The following HSD17B3 variants were observed in gnomAD, a reference collection of about 807,000 sequenced individuals.
HSD17B3 encodes the protein 17-beta-hydroxysteroid dehydrogenase type 3.
HSD17B3 carries 29 observed loss-of-function variants against 41.1 expected under a neutral mutation model. The observed-to-expected ratio is 0.71, with a 90% CI of 0.53 to 0.96. The LOEUF (loss-of-function observed/expected upper bound fraction) is 0.96. Among genes scored for constraint, HSD17B3 ranks in the 40% least tolerant of loss-of-function variants. The pLI is 0.00. For missense variants in HSD17B3, 323 were observed against 374.6 expected, an observed-to-expected ratio of 0.86 and a Z score of 1.14; for synonymous variants, 126 against 145.6, an observed-to-expected ratio of 0.87 and a Z score of 0.97.
intron 2 of HSD17B3, among the ~76,000 whole-genome samples, chr9:96,259,001 G>T (rs1006071693): frequency 6.6e-6 from 1 of 152,174 alleles, no homozygotes; most frequent in Non-Finnish European, 1.5e-5. Context: ...CATCTTTACC[G>T]CCAGGTCTCT....
At chr9:96,260,569 G>C (rs1161243311) in intron 2 of HSD17B3, among the ~76,000 whole-genome samples, 2 of 152,038 alleles carry the variant, frequency 1.3e-5, no homozygotes, top group African/African-American at 4.8e-5. Context: ...GGGCCATCCT[G>C]GTCAACATGG....
At chr9:96,242,128 A>G (rs1309174936) in intron 9 of HSD17B3, among the ~76,000 whole-genome samples, 1 of 152,148 alleles carries the variant, frequency 6.6e-6, no homozygotes, top group Non-Finnish European at 1.5e-5. Context: ...TTATGAATCA[A>G]TTAATCCAAA....
At chr9:96,267,974 G>C (rs1314961170) in intron 2 of HSD17B3, among the ~76,000 whole-genome samples, 1 of 151,980 alleles carries the variant, frequency 6.6e-6, no homozygotes, top group Non-Finnish European at 1.5e-5. Flanking sequence ...CACCCAGGCT[G>C]AGTGCAGTGG....
intron 2 of HSD17B3, among the ~76,000 whole-genome samples, chr9:96,266,128 G>C (rs1311998771): frequency 6.6e-6 from 1 of 152,210 alleles, no homozygotes; most frequent in East Asian, 1.9e-4. Flanking sequence ...TATAGAAAAA[G>C]GGTTAAGAGA....
Position 96,270,959 on chromosome 9 carries a change from G to T in HSD17B3, c.202-16016C>A, listed in dbSNP as rs574976788. 6.8e-5 allele frequency among the ~76,000 whole-genome samples: 10 copies of T among 147,488 alleles called. No individual in the cohort carries two copies. In the East Asian group the frequency reaches 1.1e-3, roughly 16 times the overall value. On this transcript the variant is annotated intron_variant, in intron 2 of 10. Transcript: ENST00000375263. ...AAGATCTCTCAAATCCTCTCGGGGGGGGGGGTTAAGATTGATATTATCAAA... is the reference window on the plus strand; with the variant it reads ...AAGATCTCTCAAATCCTCTCGGGGGTGGGGGTTAAGATTGATATTATCAAA...
chr9:96,293,818 T>A (rs1210938647), intron 2 of HSD17B3, among the ~76,000 whole-genome samples: 1 of 152,226 alleles, frequency 6.6e-6, no homozygotes, highest in Non-Finnish European at 1.5e-5. Context: ...AAGCTTACTC[T>A]GAGCAAACCA....
At chr9:96,249,444 A>AT in intron 6 of HSD17B3, 16 of 368,776 alleles carry the variant, frequency 4.3e-5, no homozygotes, top group East Asian at 1.4e-4. Flanking sequence ...GAAGATACTA[A>AT]TTTTTTTTAG....
At chr9:96,250,011 G>A (rs1836831223) in intron 5 of HSD17B3, 6 of 1,439,700 alleles carry the variant, frequency 4.2e-6, no homozygotes, top group Non-Finnish European at 5.4e-6. Flanking sequence ...ATCTTGACTA[G>A]ACATCAATTA....
rs373329938 is a variant in HSD17B3, at chr9:96,254,953, G to C, written c.202-10C>G. 6.2e-7 allele frequency: 1 copy of C among 1,612,568 alleles called. No individual in the cohort carries two copies. The highest frequency in any genetic ancestry group is 1.3e-5 in the African/African-American group (1 of 75,000). On this transcript the variant is annotated splice_polypyrimidine_tract_variant and intron_variant, in intron 2 of 10. Transcript: ENST00000375263. ...GTCCACGTTTTGCTAGCTGAGAGTG[G>C]GAGTGAAAAACCAAGAGACAAGGAT...
intron 2 of HSD17B3, among the ~76,000 whole-genome samples, chr9:96,278,314 C>T (rs530406129): frequency 1.7e-4 from 26 of 152,182 alleles, no homozygotes; most frequent in Admixed American, 5.9e-4. Flanking sequence ...ATAATAGATA[C>T]GTTCGTTAAC....
At chr9:96,286,340 T>C (rs1826917163) in intron 2 of HSD17B3, among the ~76,000 whole-genome samples, 1 of 150,284 alleles carries the variant, frequency 6.7e-6, no homozygotes, top group Non-Finnish European at 1.5e-5. Flanking sequence ...TGAGACTCTG[T>C]CTCAAAGGAA....
At chr9:96,257,059 T>G (rs1247517199) in intron 2 of HSD17B3, among the ~76,000 whole-genome samples, 2 of 152,154 alleles carry the variant, frequency 1.3e-5, no homozygotes, top group African/African-American at 4.8e-5. Context: ...GCTCCCTCTT[T>G]GCCTTCCGCC....
intron 2 of HSD17B3, among the ~76,000 whole-genome samples, chr9:96,287,015 G>A (rs533089638): frequency 9.2e-5 from 14 of 152,238 alleles, no homozygotes; most frequent in South Asian, 4.1e-4. Flanking sequence ...GATGAGGTCC[G>A]AGAACACTCT....
At chr9:96,259,580 G>A (rs369762941) in intron 2 of HSD17B3, among the ~76,000 whole-genome samples, 1 of 152,118 alleles carries the variant, frequency 6.6e-6, no homozygotes, top group Non-Finnish European at 1.5e-5. Context: ...AATTAGCTGG[G>A]CATGGTGGCG....
chr9:96,283,560 A>C (rs1358842850), intron 2 of HSD17B3, among the ~76,000 whole-genome samples: 1 of 152,144 alleles, frequency 6.6e-6, no homozygotes, highest in Non-Finnish European at 1.5e-5. Context: ...CTGTGTTCCA[A>C]AATAATGGGA....
At chr9:96,241,149 A>T (rs1836425592) in intron 9 of HSD17B3, among the ~76,000 whole-genome samples, 1 of 152,168 alleles carries the variant, frequency 6.6e-6, no homozygotes, top group African/African-American at 2.4e-5. Context: ...CCCAACACAC[A>T]GTGTGAATGG....
At chr9:96,251,838 T>G (rs1825425928) in intron 4 of HSD17B3, among the ~76,000 whole-genome samples, 1 of 152,230 alleles carries the variant, frequency 6.6e-6, no homozygotes, top group Admixed American at 6.5e-5. Context: ...ACCAAAATGC[T>G]ACCTCAGAAT....
At chr9:96,290,177 A>G (rs947274638) in intron 2 of HSD17B3, among the ~76,000 whole-genome samples, 4 of 152,164 alleles carry the variant, frequency 2.6e-5, no homozygotes, top group South Asian at 2.1e-4. Context: ...CCCTCTCCAC[A>G]ATTTTTTCCC....
At chr9:96,287,850 C>T (rs1826984685) in intron 2 of HSD17B3, among the ~76,000 whole-genome samples, 1 of 145,938 alleles carries the variant, frequency 6.9e-6, no homozygotes, top group African/African-American at 2.6e-5. Context: ...ATATTCACAG[C>T]AGCATTATTC....
Sources: allele counts gnomAD v4.1 joint callset (sites outside exome capture counted in the v4.1 genomes callset), GRCh38; gene constraint gnomAD v4.1.1; transcripts MANE v1.5; gene names NCBI Gene and HGNC (gene_info 2026-07-23, HGNC 2026-07-21).